The following NSF variants were observed in gnomAD, a reference collection of about 807,000 sequenced individuals.
NSF encodes vesicle-fusing ATPase.
In NSF, 14 loss-of-function variants were observed where a neutral mutation model predicts 50.3. The observed-to-expected ratio is 0.28, with a 90% CI of 0.18 to 0.44. The LOEUF is 0.44. Among genes scored for constraint, NSF ranks in the 20% least tolerant of loss-of-function variants. The probability of loss-of-function intolerance (pLI) is 1.00; values close to 1 mark genes in which losing one functional copy is unlikely to be tolerated. For missense variants in NSF, 218 were observed against 504.3 expected (o/e 0.43, Z 5.44); for synonymous variants, 109 against 175.7 (o/e 0.62, Z 3.00).
chr17:46,636,862 CT>C (rs918033098), intron 4 of NSF, among the ~76,000 whole-genome samples: 6 of 145,658 alleles, frequency 4.1e-5, no homozygotes, highest in South Asian at 2.2e-4. Context: ...TTCTTTCTTT[CT>C]TTTTTTTTGA....
Position 46,635,823 on chromosome 17 carries a change from G to A in NSF, c.239-1553G>A, listed in dbSNP as rs1280350663. Among the ~76,000 whole-genome samples the A allele has an allele frequency of 3.6e-5, 5 of 137,640 alleles. 1 individual carries two copies. The highest frequency in any genetic ancestry group is 8.3e-5 in the Non-Finnish European group (5 of 60,400). 90.3% of individuals were successfully genotyped at this position (137,640 alleles called of 152,430 possible). A position where few individuals can be genotyped will look rare whatever the true frequency, so the allele number is the denominator to read the frequency against. On this transcript the variant is annotated intron_variant, in intron 4 of 20. Coordinates refer to ENST00000398238, the MANE Select transcript of NSF (RefSeq NM_006178.4). ...TGTGTGTGTGTGTGTGTGTGTGCTCGTGTGTGAAGCCTTATTGAAGAGTAG... is the reference window on the plus strand; with the variant it reads ...TGTGTGTGTGTGTGTGTGTGTGCTCATGTGTGAAGCCTTATTGAAGAGTAG...
intron 17 of NSF, among the ~76,000 whole-genome samples, chr17:46,741,409 C>T (rs2059070180): frequency 6.6e-6 from 1 of 151,994 alleles, no homozygotes; most frequent in East Asian, 1.9e-4. Context: ...ATCATGAATT[C>T]CCCCCCTTAT....
intron 15 of NSF, among the ~76,000 whole-genome samples, chr17:46,716,345 C>G (rs1308506303): frequency 6.6e-6 from 1 of 151,928 alleles, no homozygotes; most frequent in African/African-American, 2.4e-5. Context: ...CAAGCTCCAC[C>G]TCCCGGGTTC....
intron 8 of NSF, among the ~76,000 whole-genome samples, chr17:46,661,482 G>GC (rs2058300976): frequency 1.3e-5 from 1 of 77,202 alleles, no homozygotes; most frequent in African/African-American, 5.3e-5. Context: ...CGCAACCTCT[G>GC]CCCCCCTGGT....
chr17:46,710,675 A>G (rs1447795037), intron 13 of NSF, among the ~76,000 whole-genome samples: 1 of 152,180 alleles, frequency 6.6e-6, no homozygotes, highest in Non-Finnish European at 1.5e-5. Context: ...AAATAAGCAC[A>G]TTGGAACATA....
At chr17:46,597,765 G>T (rs1267321335) in intron 1 of NSF, among the ~76,000 whole-genome samples, 1 of 84,860 alleles carries the variant, frequency 1.2e-5, no homozygotes, top group African/African-American at 5.6e-5. Context: ...TTTATCAAAT[G>T]TTTTTGTTGT....
intron 1 of NSF, among the ~76,000 whole-genome samples, chr17:46,609,707 T>C (rs1380023187): frequency 6.7e-6 from 1 of 148,402 alleles, no homozygotes; most frequent in East Asian, 1.9e-4. Flanking sequence ...TGACTAAAAG[T>C]AGTATCAACA....
chr17:46,721,923 C>T (rs578142569), intron 15 of NSF: 23 of 1,593,836 alleles, frequency 1.4e-5, no homozygotes, highest in Admixed American at 8.3e-5. Flanking sequence ...TTCTCCAATT[C>T]GCGTACTAGC....
chr17:46,635,777 A>ATG (rs148930686), intron 4 of NSF, among the ~76,000 whole-genome samples: 4,700 of 116,738 alleles, frequency 0.04, 338 homozygotes, highest in African/African-American at 0.078. Context: ...GGGAAAATAA[A>ATG]TGTGTGTGTG....
chr17:46,609,921 G>T (rs1321937588), intron 1 of NSF, among the ~76,000 whole-genome samples: 2 of 143,038 alleles, frequency 1.4e-5, no homozygotes, highest in East Asian at 1.9e-4. Flanking sequence ...GACCTCCTGG[G>T]CTCAAACCTC....
At chr17:46,711,206 G>T in intron 14 of NSF, 87 bp downstream of exon 14, 1 of 1,256,346 alleles carries the variant, frequency 8.0e-7, no homozygotes, top group Non-Finnish European at 1.0e-6. Context: ...CTAGAAAAGT[G>T]AATTCTTTTT....
At chr17:46,705,263 G>GTCTC (rs527294163) in intron 13 of NSF, among the ~76,000 whole-genome samples, 6 of 119,510 alleles carry the variant, frequency 5.0e-5, no homozygotes, top group Admixed American at 2.7e-4. Flanking sequence ...ATCCTCCTCT[G>GTCTC]TCTCTCTCTC....
At chr17:46,740,509 G>GA (rs2059058871) in intron 17 of NSF, among the ~76,000 whole-genome samples, 1 of 152,166 alleles carries the variant, frequency 6.6e-6, no homozygotes, top group African/African-American at 2.4e-5. Context: ...GATAGGTAGG[G>GA]AAAATCTACT....
chr17:46,704,858 A>G lies in NSF; in HGVS notation c.1470+4A>G, dbSNP rs1568036784. 6.3e-6 allele frequency: 10 copies of G among 1,594,896 alleles called. No individual in the cohort carries two copies. Among genetic ancestry groups the G allele is most frequent in the Non-Finnish European group, 8.5e-6 (10 of 1,175,134 alleles). On this transcript the variant is annotated splice_donor_region_variant and intron_variant, in intron 13 of 20. Transcript: ENST00000398238. ...TTTGGAGAATGATATCAAACCAGTG[A>G]GTATGCCCATTGAGTGATATATAGG...
At chr17:46,742,246 G>A (rs2059081222) in intron 17 of NSF, among the ~76,000 whole-genome samples, 1 of 152,154 alleles carries the variant, frequency 6.6e-6, no homozygotes, top group Admixed American at 6.5e-5. Flanking sequence ...ATCAACACTT[G>A]GGGCTCAGAG....
chr17:46,690,624 A>T (rs1016854434), intron 9 of NSF, among the ~76,000 whole-genome samples: 3,020 of 110,872 alleles, frequency 0.027, 133 homozygotes, highest in African/African-American at 0.083. Flanking sequence ...AAAAAAAAAA[A>T]ATATATATAT....
intron 17 of NSF, among the ~76,000 whole-genome samples, chr17:46,739,099 G>T (rs1487453636): frequency 6.6e-6 from 1 of 151,944 alleles, no homozygotes; most frequent in Non-Finnish European, 1.5e-5. Context: ...TCCAGGCACG[G>T]TGGCTCACAC....
At chr17:46,694,132 C>T (rs1218140641) in intron 11 of NSF, among the ~76,000 whole-genome samples, 2 of 133,062 alleles carry the variant, frequency 1.5e-5, no homozygotes, top group African/African-American at 6.9e-5. Context: ...CACCTGTAAT[C>T]CCAGCACTTT....
chr17:46,745,562 C>T (rs190512176), intron 17 of NSF, among the ~76,000 whole-genome samples: 4 of 152,288 alleles, frequency 2.6e-5, no homozygotes, highest in Non-Finnish European at 4.4e-5. Context: ...TTTAAAAGTC[C>T]GGCTTTCTGG....
Sources: allele counts gnomAD v4.1 joint callset (sites outside exome capture counted in the v4.1 genomes callset), GRCh38; gene constraint gnomAD v4.1.1; transcripts MANE v1.5; gene names NCBI Gene and HGNC (gene_info 2026-07-23, HGNC 2026-07-21).